NBEAL1: variants seen among roughly 807,000 people sequenced by gnomAD.
NBEAL1 encodes the protein neurobeachin like 1.
NBEAL1 carries 273 observed loss-of-function variants against 351.3 expected under a neutral mutation model. The ratio of observed to expected loss-of-function variants is 0.78; its 90% CI spans 0.70 to 0.86. The LOEUF is 0.86. NBEAL1 is among the 40% of genes least tolerant of loss of function. NBEAL1 has a pLI of 0.00. For synonymous variants in NBEAL1, 1,050 were observed against 1,086.4 expected (o/e 0.97, Z 0.66); for missense variants, 2,961 against 3,201.3 (o/e 0.92, Z 1.81).
intron 48 of NBEAL1, 22 bp from the exon 49 acceptor site, chr2:203,199,316 G>A (rs1241112068): frequency 1.5e-6 from 2 of 1,320,828 alleles, no homozygotes; most frequent in African/African-American, 2.9e-5. Context: ...TTTAATTTGA[G>A]TCTTCATATG....
chr2:203,145,233 C>A, intron 33 of NBEAL1, 73 bp downstream of exon 33: 1 of 1,312,584 alleles, frequency 7.6e-7, no homozygotes, highest in Non-Finnish European at 1.0e-6. Context: ...AAGAGTAATA[C>A]AGGCCCCAAA....
intron 14 of NBEAL1, 136 bp downstream of exon 14, chr2:203,108,324 T>C: frequency 1.5e-6 from 1 of 657,052 alleles, no homozygotes; most frequent in Non-Finnish European, 2.5e-6. Flanking sequence ...TCCTTAGGCT[T>C]TATACAGTTT....
chr2:203,138,382 C>A, intron 30 of NBEAL1, 67 bp downstream of exon 30: 1 of 1,450,654 alleles, frequency 6.9e-7, no homozygotes, highest in Non-Finnish European at 9.4e-7. Flanking sequence ...AAAAATTTTG[C>A]ACCCCCTCTT....
chr2:203,159,132 A>G (rs1003620624), intron 36 of NBEAL1, among the ~76,000 whole-genome samples: 2 of 152,092 alleles, frequency 1.3e-5, no homozygotes, highest in Non-Finnish European at 2.9e-5. Context: ...CCAGCCCTCT[A>G]GTATTTCTAA....
chr2:203,209,336 C>T lies in NBEAL1; in HGVS notation c.7785+14C>T. 1 of 1,602,058 alleles carries T rather than the reference C, an allele frequency of 6.2e-7. No individual in the cohort carries two copies. Among genetic ancestry groups the T allele is most frequent in the African/African-American group, 1.3e-5 (1 of 74,846 alleles). On this transcript the variant is annotated intron_variant, in intron 53 of 55. Coordinates refer to ENST00000683969, the MANE Select transcript of NBEAL1 (RefSeq NM_001378026.1). Reference sequence around the variant, plus strand: ...ACCACCCTCAAGGTATATGACCTTTCATGCAATAGAGGTAGACTCCCAATA... The same window carrying T: ...ACCACCCTCAAGGTATATGACCTTTTATGCAATAGAGGTAGACTCCCAATA...
At chr2:203,082,364 G>A (rs1385018346) in intron 8 of NBEAL1, among the ~76,000 whole-genome samples, 2 of 152,134 alleles carry the variant, frequency 1.3e-5, no homozygotes, top group Non-Finnish European at 2.9e-5. Flanking sequence ...TTCTTCCATA[G>A]CAGTAATTAT....
At chr2:203,110,129 G>C (rs751258736) in intron 14 of NBEAL1, 21 bp from the exon 15 acceptor site, 1 of 1,542,082 alleles carries the variant, frequency 6.5e-7, no homozygotes, top group South Asian at 1.2e-5. Context: ...TAAAAGTTCT[G>C]ATAATACGTA....
intron 7 of NBEAL1, among the ~76,000 whole-genome samples, chr2:203,071,869 C>A (rs2061689362): frequency 6.6e-6 from 1 of 152,144 alleles, no homozygotes; most frequent in Non-Finnish European, 1.5e-5. Context: ...AAGGTAAATT[C>A]TATTAGTCAT....
Position 203,221,753 on chromosome 2 carries a change from C to T in NBEAL1, c.*4399C>T, listed in dbSNP as rs1045401829. 6.6e-6 allele frequency among the ~76,000 whole-genome samples: 1 copy of T among 152,148 alleles called. No individual in the cohort carries two copies. Among genetic ancestry groups the T allele is most frequent in the African/African-American group, 2.4e-5 (1 of 41,440 alleles). The stretch of plus-strand genomic sequence containing the variant: ...ATATTATTTGTTTTAAACTTGACTC[C>T]ATCCAGAGCATTGTTCTATAGAGTT... On this transcript the variant is annotated 3_prime_UTR_variant, in exon 56 of 56. Coordinates refer to ENST00000683969, the MANE Select transcript of NBEAL1 (RefSeq NM_001378026.1).
At chr2:203,158,065 G>A (rs2063844472) in intron 36 of NBEAL1, among the ~76,000 whole-genome samples, 1 of 152,172 alleles carries the variant, frequency 6.6e-6, no homozygotes, top group Non-Finnish European at 1.5e-5. Flanking sequence ...AATGAAAGCA[G>A]TACATCGAAT....
chr2:203,141,371 T>TTTTTTTTTA (rs2063373605), intron 31 of NBEAL1, among the ~76,000 whole-genome samples: 1 of 64,946 alleles, frequency 1.5e-5, no homozygotes, highest in Non-Finnish European at 3.0e-5. Context: ...TTATTATTTT[T>TTTTTTTTTA]TTTTTTTTTT....
chr2:203,194,114 T>G (rs1446516954), intron 47 of NBEAL1, among the ~76,000 whole-genome samples: 1 of 152,220 alleles, frequency 6.6e-6, no homozygotes, highest in Non-Finnish European at 1.5e-5. Context: ...GAACTGTTTT[T>G]CTTGGCTTTC....
chr2:203,179,161 TTAA>T (rs1169317295), intron 42 of NBEAL1, among the ~76,000 whole-genome samples: 3 of 152,222 alleles, frequency 2.0e-5, no homozygotes, highest in African/African-American at 4.8e-5. Flanking sequence ...CATTAAATAC[TTAA>T]TAAATCCAGG....
chr2:203,130,888 TATC>T (rs1467115848), intron 25 of NBEAL1, among the ~76,000 whole-genome samples: 1 of 152,230 alleles, frequency 6.6e-6, no homozygotes, highest in Non-Finnish European at 1.5e-5. Flanking sequence ...TTATTACTAT[TATC>T]ATTTTACAGA....
At position 203,217,703 on chromosome 2, in the gene NBEAL1, G is replaced by A. The variant is rs1168017871; in HGVS notation, c.*349G>A. 1.0e-6 allele frequency: 1 copy of A among 969,028 alleles called. No individual in the cohort carries two copies. Among genetic ancestry groups the A allele is most frequent in the Non-Finnish European group, 1.2e-6 (1 of 814,030 alleles). 60.0% of individuals were successfully genotyped at this position (969,028 alleles called of 1,614,324 possible). ...GATAATGGGACAGTTGAGAGAGATGGCTTTAAATACATTCTTAAGTAATCA... is the reference window on the plus strand; with the variant it reads ...GATAATGGGACAGTTGAGAGAGATGACTTTAAATACATTCTTAAGTAATCA... On this transcript the variant is annotated 3_prime_UTR_variant, in exon 56 of 56. Coordinates refer to ENST00000683969, the MANE Select transcript of NBEAL1 (RefSeq NM_001378026.1).
intron 36 of NBEAL1, among the ~76,000 whole-genome samples, chr2:203,164,123 A>G (rs898284159): frequency 6.6e-6 from 1 of 151,946 alleles, no homozygotes; most frequent in Non-Finnish European, 1.5e-5. Context: ...TATTATATTA[A>G]TACATGTGAT....
chr2:203,070,357 C>G (rs1262073288), intron 7 of NBEAL1, among the ~76,000 whole-genome samples: 2 of 126,204 alleles, frequency 1.6e-5, no homozygotes, highest in African/African-American at 5.9e-5. Flanking sequence ...CTCTCTCTCT[C>G]TCTTTTTTTT....
chr2:203,131,612 G>T (rs1207567824), intron 25 of NBEAL1, among the ~76,000 whole-genome samples: 1 of 152,100 alleles, frequency 6.6e-6, no homozygotes, highest in Non-Finnish European at 1.5e-5. Flanking sequence ...AAGCATTTGG[G>T]AGTTATTTAT....
At chr2:203,135,115 G>A (rs922437673) in intron 27 of NBEAL1, among the ~76,000 whole-genome samples, 4 of 151,162 alleles carry the variant, frequency 2.6e-5, no homozygotes, top group Admixed American at 1.3e-4. Context: ...GCCGGAGGTT[G>A]TAGTGAGTCA....
Sources: allele counts gnomAD v4.1 joint callset (sites outside exome capture counted in the v4.1 genomes callset), GRCh38; gene constraint gnomAD v4.1.1; transcripts MANE v1.5; gene names NCBI Gene and HGNC (gene_info 2026-07-23, HGNC 2026-07-21).